NUBPL: variants seen among roughly 807,000 people sequenced by gnomAD.
NUBPL encodes NUBP iron-sulfur cluster assembly factor, mitochondrial.
A neutral mutation model predicts 45.7 loss-of-function variants in NUBPL; 31 were observed. That is an observed-to-expected ratio of 0.68 (90% CI 0.51 to 0.92). The LOEUF is 0.92. Among genes scored for constraint, NUBPL ranks in the 40% least tolerant of loss-of-function variants. NUBPL has a pLI of 0.00. For missense variants in NUBPL, 401 were observed against 398.7 expected (o/e 1.01, Z -0.05); for synonymous variants, 144 against 140.9 (o/e 1.02, Z -0.15).
chr14:31,726,787 A>T (rs922412056), intron 6 of NUBPL, among the ~76,000 whole-genome samples: 4 of 152,088 alleles, frequency 2.6e-5, no homozygotes, highest in Admixed American at 1.3e-4. Flanking sequence ...AATAAGGGAA[A>T]CTATTGTGAA....
intron 4 of NUBPL, among the ~76,000 whole-genome samples, chr14:31,617,181 G>C (rs2034926383): frequency 1.3e-5 from 2 of 152,134 alleles, no homozygotes; most frequent in African/African-American, 4.8e-5. Context: ...GGGCTGAGAT[G>C]ATGGGGCTTT....
chr14:31,685,414 A>G lies in NUBPL; in HGVS notation c.513+11840A>G, dbSNP rs574331502. ...ACCTATATAGAGAGTATTGTATTCT[A>G]AAATAGGCCATTCAAGAATTTGGGG... is the stretch of plus-strand genomic sequence containing the variant. On this transcript the variant is annotated intron_variant, in intron 6 of 10. Coordinates refer to ENST00000281081, the MANE Select transcript of NUBPL (RefSeq NM_025152.3). Among the ~76,000 whole-genome samples the G allele has an allele frequency of 2.0e-5, 3 of 152,286 alleles. No individual in the cohort carries two copies. The South Asian group carries it at 6.2e-4, about 32-fold the overall frequency.
Position 31,599,391 on chromosome 14 carries a change from A to G in NUBPL, c.382+12A>G, listed in dbSNP as rs941054113. 2 of 1,554,380 alleles carry G rather than the reference A, an allele frequency of 1.3e-6. No individual in the cohort carries two copies. The highest frequency in any genetic ancestry group is 2.7e-5 in the African/African-American group (2 of 73,710). On this transcript the variant is annotated intron_variant, in intron 4 of 10. Transcript: ENST00000281081. ...GGAATTATCACAGAGTAAGTAAAGAAGGGATAAATATTATAATAATAGTTG... is the reference window on the plus strand; with the variant it reads ...GGAATTATCACAGAGTAAGTAAAGAGGGGATAAATATTATAATAATAGTTG...
intron 3 of NUBPL, among the ~76,000 whole-genome samples, chr14:31,569,863 C>T (rs1595291677): frequency 1.3e-5 from 2 of 152,292 alleles, no homozygotes; most frequent in East Asian, 3.9e-4. Flanking sequence ...TATATATTGA[C>T]AATCTTATTT....
chr14:31,774,575 T>G (rs1364271147), intron 6 of NUBPL, among the ~76,000 whole-genome samples: 1 of 152,210 alleles, frequency 6.6e-6, no homozygotes, highest in African/African-American at 2.4e-5. Context: ...TTATAACGGA[T>G]GTCCTGAAAA....
intron 7 of NUBPL, among the ~76,000 whole-genome samples, chr14:31,813,855 G>A (rs2039864367): frequency 6.6e-6 from 1 of 152,150 alleles, no homozygotes; most frequent in African/African-American, 2.4e-5. Flanking sequence ...TCCCTACAAA[G>A]AACATGAACT....
intron 4 of NUBPL, among the ~76,000 whole-genome samples, chr14:31,619,348 G>T (rs1047471025): frequency 6.6e-6 from 1 of 152,134 alleles, no homozygotes; most frequent in Non-Finnish European, 1.5e-5. Context: ...TGGTTATTTT[G>T]CCCATTAGTT....
chr14:31,687,283 A>C (rs781079217), intron 6 of NUBPL, among the ~76,000 whole-genome samples: 9 of 152,204 alleles, frequency 5.9e-5, no homozygotes, highest in Non-Finnish European at 1.0e-4. Flanking sequence ...CAGATGAACC[A>C]TGTATCTTAG....
intron 6 of NUBPL, among the ~76,000 whole-genome samples, chr14:31,748,280 T>C (rs2038444501): frequency 6.6e-6 from 1 of 152,244 alleles, no homozygotes; most frequent in South Asian, 2.1e-4. Flanking sequence ...TCTGCAGCTG[T>C]TGAATGAAAT....
chr14:31,832,931 G>T (rs1481190759), intron 8 of NUBPL, among the ~76,000 whole-genome samples: 1 of 152,128 alleles, frequency 6.6e-6, no homozygotes, highest in Non-Finnish European at 1.5e-5. Flanking sequence ...TACAGTTCCT[G>T]GCAGTCTAAG....
At chr14:31,577,970 G>A (rs994043471) in intron 3 of NUBPL, 11 of 1,289,156 alleles carry the variant, frequency 8.5e-6, no homozygotes, top group Non-Finnish European at 1.1e-5. Context: ...GTCGGGGACT[G>A]CGTCTTAAAT....
At chr14:31,805,870 A>G (rs1198996289) in intron 7 of NUBPL, among the ~76,000 whole-genome samples, 3 of 152,118 alleles carry the variant, frequency 2.0e-5, no homozygotes, top group East Asian at 1.9e-4. Context: ...AGGTTTACCT[A>G]TATAACAAAA....
At chr14:31,785,865 A>C (rs2039274650) in intron 6 of NUBPL, among the ~76,000 whole-genome samples, 1 of 152,188 alleles carries the variant, frequency 6.6e-6, no homozygotes, top group African/African-American at 2.4e-5. Flanking sequence ...TTATTTTAAA[A>C]GTATGATTAT....
intron 7 of NUBPL, among the ~76,000 whole-genome samples, chr14:31,815,573 T>C (rs1052591838): frequency 1.3e-5 from 2 of 152,206 alleles, no homozygotes; most frequent in African/African-American, 4.8e-5. Context: ...CAATACTATT[T>C]TGAATAGGAG....
chr14:31,848,514 A>G (rs901142863), intron 9 of NUBPL, among the ~76,000 whole-genome samples: 1 of 152,180 alleles, frequency 6.6e-6, no homozygotes, highest in Non-Finnish European at 1.5e-5. Flanking sequence ...CTACAGGGAC[A>G]GTTTATGCAT....
chr14:31,622,621 G>A (rs749469864), intron 4 of NUBPL, among the ~76,000 whole-genome samples: 22 of 152,334 alleles, frequency 1.4e-4, no homozygotes, highest in African/African-American at 4.6e-4. Context: ...GCTAAAAGAC[G>A]CCAAGGTATG....
chr14:31,759,250 G>A (rs200930799), intron 6 of NUBPL, among the ~76,000 whole-genome samples: 2 of 151,768 alleles, frequency 1.3e-5, no homozygotes, highest in East Asian at 1.9e-4. Flanking sequence ...ATTGTGGCTT[G>A]TCGTGTAGAA....
In NUBPL at chr14:31,859,619, T is replaced by C; in HGVS notation, c.*439T>C. The C allele has an allele frequency of 3.8e-6, 1 of 260,550 alleles. No individual in the cohort carries two copies. Among genetic ancestry groups the C allele is most frequent in the Non-Finnish European group, 7.5e-6 (1 of 133,424 alleles). 16.1% of individuals were successfully genotyped at this position (260,550 alleles called of 1,614,324 possible). A position where few individuals can be genotyped will look rare whatever the true frequency, so the allele number is the denominator to read the frequency against. ...TTTGAATCCTGTCTTTGGTACTGTCTTGGACATGTTCTTAATATGAACCTC... is the reference window on the plus strand; with the variant it reads ...TTTGAATCCTGTCTTTGGTACTGTCCTGGACATGTTCTTAATATGAACCTC... On this transcript the variant is annotated 3_prime_UTR_variant, in exon 11 of 11. Transcript: ENST00000281081.
intron 4 of NUBPL, among the ~76,000 whole-genome samples, chr14:31,619,139 A>G (rs1397699132): frequency 6.6e-6 from 1 of 152,138 alleles, no homozygotes; most frequent in Non-Finnish European, 1.5e-5. Context: ...TTTGCTTGGT[A>G]AATATTCCTC....
Sources: allele counts gnomAD v4.1 joint callset (sites outside exome capture counted in the v4.1 genomes callset), GRCh38; gene constraint gnomAD v4.1.1; transcripts MANE v1.5; gene names NCBI Gene and HGNC (gene_info 2026-07-23, HGNC 2026-07-21).